Variants in ECE1 observed in about 807,000 individuals in gnomAD.
ECE1 encodes endothelin-converting enzyme 1.
In ECE1, 35 loss-of-function variants were observed where a neutral mutation model predicts 98.6. The observed-to-expected ratio is 0.35, with a 90% confidence interval of 0.27 to 0.47. The LOEUF (loss-of-function observed/expected upper bound fraction) is 0.47. Ranked by LOEUF, ECE1 falls within the 20% of genes least tolerant of loss-of-function variation. ECE1 has a pLI of 1.00. For missense variants in ECE1, 814 were observed against 1,025.3 expected (o/e 0.79, Z 2.81); for synonymous variants, 394 against 407.1 (o/e 0.97, Z 0.39).
intron 14 of ECE1, among the ~76,000 whole-genome samples, chr1:21,229,021 TTAGTAG>T (rs2098178343): frequency 6.6e-6 from 1 of 151,648 alleles, no homozygotes; most frequent in Non-Finnish European, 1.5e-5. Flanking sequence ...TTTTGTATTT[TTAGTAG>T]AGATGGGGTT....
At chr1:21,249,629 C>T (rs2098209534) in intron 8 of ECE1, among the ~76,000 whole-genome samples, 2 of 152,104 alleles carry the variant, frequency 1.3e-5, no homozygotes, top group Admixed American at 1.3e-4. Flanking sequence ...CTGCAGTGAG[C>T]TGAAATCACA....
At chr1:21,247,145 C>A in intron 9 of ECE1, 76 bp downstream of exon 9, 1 of 1,607,252 alleles carries the variant, frequency 6.2e-7, no homozygotes, top group Non-Finnish European at 8.5e-7. Context: ...AGACTGTCAT[C>A]CCCACCCCTG....
chr1:21,237,150 C>G (rs998019830), intron 11 of ECE1, among the ~76,000 whole-genome samples: 129 of 152,190 alleles, frequency 8.5e-4, no homozygotes, highest in African/African-American at 3.1e-3. Context: ...TAATAGGCAC[C>G]GTGATTCTTC....
Position 21,258,257 on chromosome 1 carries a change from T to A in ECE1, c.762+436A>T, listed in dbSNP as rs2098222415. Among the ~76,000 whole-genome samples, 1 of 152,180 alleles carries A rather than the reference T, an allele frequency of 6.6e-6. No homozygotes were observed. The highest frequency in any genetic ancestry group is 2.4e-5 in the African/African-American group (1 of 41,436). On this transcript the variant is annotated intron_variant, in intron 6 of 18. Coordinates refer to ENST00000374893, the MANE Select transcript of ECE1 (RefSeq NM_001397.3). This position sits in a 1 kb window ranked among gnomAD's most constrained non-coding sequence, Gnocchi z 4.2. ...AGCTTTTAGGACCCCCAGCCTGGGT[T>A]TCTCACTTCTGCATTGGAGGTTGGG...
At chr1:21,336,512 T>C (rs967738732) in intron 1 of ECE1, among the ~76,000 whole-genome samples, 1 of 150,790 alleles carries the variant, frequency 6.6e-6, no homozygotes, top group Non-Finnish European at 1.5e-5. Context: ...CTGGCCAACA[T>C]GGTGAAACCC....
At chr1:21,276,846 A>G (rs2098247884) in intron 3 of ECE1, among the ~76,000 whole-genome samples, 1 of 152,082 alleles carries the variant, frequency 6.6e-6, no homozygotes, top group Non-Finnish European at 1.5e-5. Flanking sequence ...CCACCTGAGT[A>G]GCTGGGACTA....
In ECE1 at chr1:21,260,259, C is replaced by T. The variant is rs1432920065; in HGVS notation, c.615+12G>A. Reference sequence around the variant, plus strand: ...GGCCGGGGCTTGGGGAGGGAGAGCCCGAGGCACTCACCCTCTCAATCAACT... The same window carrying T: ...GGCCGGGGCTTGGGGAGGGAGAGCCTGAGGCACTCACCCTCTCAATCAACT... On this transcript the variant is annotated intron_variant, in intron 5 of 18. Transcript: ENST00000374893. The surrounding 1 kb of genome is among the most constrained non-coding windows in gnomAD (Gnocchi z 4.3). The T allele has an allele frequency of 5.6e-6, 9 of 1,614,074 alleles. No homozygotes were observed. The highest frequency in any genetic ancestry group is 2.7e-5 in the African/African-American group (2 of 74,918).
chr1:21,291,456 C>T (rs2098266512), upstream of ECE1, among the ~76,000 whole-genome samples: 1 of 152,194 alleles, frequency 6.6e-6, no homozygotes. Context: ...GGCAATGGCT[C>T]CAGATGGTCT....
Position 21,235,432 on chromosome 1 carries a change from C to T in ECE1, c.1566+418G>A, listed in dbSNP as rs1247350027. ...CAGGGACAGGAGGTAACTGGAAGCA[C>T]GACCAGGGAGGGAGGAGGTGGTGTG... is the stretch of plus-strand genomic sequence containing the variant. On this transcript the variant is annotated intron_variant, in intron 13 of 18. Transcript: ENST00000374893. The surrounding 1 kb of genome is among the most constrained non-coding windows in gnomAD (Gnocchi z 4.2). 2.0e-5 allele frequency among the ~76,000 whole-genome samples: 3 copies of T among 152,088 alleles called. No homozygotes were observed. The highest frequency in any genetic ancestry group is 4.4e-5 in the Non-Finnish European group (3 of 68,022).
At chr1:21,305,241 C>G (rs1262839871) in intron 1 of ECE1, among the ~76,000 whole-genome samples, 2 of 152,210 alleles carry the variant, frequency 1.3e-5, no homozygotes, top group Admixed American at 1.3e-4. Flanking sequence ...GGTGTACACA[C>G]AGTCTACAAA....
intron 1 of ECE1, among the ~76,000 whole-genome samples, chr1:21,339,680 T>C (rs2103419943): frequency 6.6e-6 from 1 of 152,226 alleles, no homozygotes; most frequent in East Asian, 1.9e-4. Flanking sequence ...CGCTCTAGCG[T>C]CTTTAGAAGG....
At chr1:21,253,214 AC>A (rs1466147995) in intron 8 of ECE1, among the ~76,000 whole-genome samples, 2 of 151,434 alleles carry the variant, frequency 1.3e-5, no homozygotes, top group African/African-American at 2.4e-5. Flanking sequence ...ACACCACCAC[AC>A]CCGGCTAATT....
rs570957737 is a variant in ECE1 at position 21,242,644 on chromosome 1, C to T, written c.1278+2345G>A. The stretch of plus-strand genomic sequence containing the variant: ...TCCAGAGACCCCTGCTCAGACCCTC[C>T]CACTTCAGGGTTCCCACTTGCCCTT... On this transcript the variant is annotated intron_variant, in intron 10 of 18. Transcript: ENST00000374893. Among the ~76,000 whole-genome samples the T allele has an allele frequency of 2.0e-5, 3 of 152,286 alleles. No homozygotes were observed. The South Asian group carries it at 6.2e-4, about 32-fold the overall frequency.
rs375237580 is a variant in ECE1 at position 21,227,234 on chromosome 1, G to A, written c.1782-8C>T. On this transcript the variant is annotated splice_polypyrimidine_tract_variant and splice_region_variant and intron_variant, in intron 15 of 18. Transcript: ENST00000374893. Reference sequence around the variant, plus strand: ...CCACCAAAGTTTAAGGCCCTGGAGGGAAAGACACAAAGGTAGAGATGATGC... The same window carrying A: ...CCACCAAAGTTTAAGGCCCTGGAGGAAAAGACACAAAGGTAGAGATGATGC... 4 of 1,613,636 alleles carry A rather than the reference G, an allele frequency of 2.5e-6. No individual in the cohort carries two copies. Among genetic ancestry groups the A allele is most frequent in the Non-Finnish European group, 3.4e-6 (4 of 1,179,656 alleles).
intron 10 of ECE1, 100 bp from the exon 11 acceptor site, chr1:21,238,344 C>G (rs2098191071): frequency 2.1e-6 from 2 of 971,344 alleles, no homozygotes; most frequent in Non-Finnish European, 3.2e-6. Flanking sequence ...ATGCTTTGTT[C>G]TGGAAGTTCA....
chr1:21,248,081 G>C (rs1204407400), intron 8 of ECE1, among the ~76,000 whole-genome samples: 1 of 152,202 alleles, frequency 6.6e-6, no homozygotes, highest in African/African-American at 2.4e-5. Context: ...TATTTCTCAG[G>C]CATGGGATCG....
chr1:21,230,148 G>A (rs1335278410), intron 14 of ECE1, among the ~76,000 whole-genome samples: 1 of 152,094 alleles, frequency 6.6e-6, no homozygotes, highest in African/African-American at 2.4e-5. Context: ...GCTGCAGTGA[G>A]CTGAGATTAT....
chr1:21,314,112 C>T (rs1638783079), intron 1 of ECE1, among the ~76,000 whole-genome samples: 1 of 152,226 alleles, frequency 6.6e-6, no homozygotes, highest in South Asian at 2.1e-4. Context: ...TTAACCATAA[C>T]AGCAACCCCA....
Position 21,274,393 on chromosome 1 carries a change from T to C in ECE1, c.281-1482A>G, listed in dbSNP as rs149322827. 4.1e-3 allele frequency among the ~76,000 whole-genome samples: 621 copies of C among 152,356 alleles called. 3 individuals carry two copies. The highest frequency in any genetic ancestry group is 0.014 in the African/African-American group (573 of 41,596). ...GCTTTGGAGGCCACTAGACCTGGGT[T>C]CAAATCCAGCTTTCTACGTTTGCCA... On this transcript the variant is annotated intron_variant, in intron 3 of 18. Coordinates refer to ENST00000374893, the MANE Select transcript of ECE1 (RefSeq NM_001397.3).
Sources: allele counts gnomAD v4.1 joint callset (sites outside exome capture counted in the v4.1 genomes callset), GRCh38; gene constraint gnomAD v4.1.1; non-coding constraint Gnocchi (gnomAD v3.1); transcripts MANE v1.5; gene names NCBI Gene and HGNC (gene_info 2026-07-23, HGNC 2026-07-21).